Variants in ANO3 observed in about 807,000 individuals in gnomAD.
ANO3 encodes the protein anoctamin 3, also known as anoctamin-3.
ANO3 carries 99 observed loss-of-function variants against 144.8 expected under a neutral mutation model. The observed-to-expected ratio is 0.68, with a 90% CI of 0.58 to 0.81. The LOEUF is 0.81. ANO3 is among the 30% of genes least tolerant of loss of function. The pLI, the probability that ANO3 is intolerant of heterozygous loss-of-function variation, is 0.00. For synonymous variants in ANO3, 414 were observed against 392.6 expected (o/e 1.05, Z -0.64); for missense variants, 905 against 1,202.2 (o/e 0.75, Z 3.66).
At chr11:26,308,262 T>A (rs923968552), upstream of ANO3, among the ~76,000 whole-genome samples, 3 of 152,160 alleles carry the variant, frequency 2.0e-5, no homozygotes, top group African/African-American at 7.2e-5. Flanking sequence ...TCCTAATAAT[T>A]CCCTTACACA....
intron 1 of ANO3, among the ~76,000 whole-genome samples, chr11:26,266,866 G>T (rs1281459096): frequency 6.6e-6 from 1 of 151,438 alleles, no homozygotes; most frequent in East Asian, 2.0e-4. Context: ...CGGATCACGA[G>T]GTCAGGAGAT....
chr11:26,325,619 T>C (rs1854864465), intron 1 of ANO3, among the ~76,000 whole-genome samples: 1 of 152,194 alleles, frequency 6.6e-6, no homozygotes, highest in Non-Finnish European at 1.5e-5. Flanking sequence ...AAGACTTGTT[T>C]TGTCAAGCTA....
At chr11:26,454,570 T>C (rs1307306854) in intron 3 of ANO3, among the ~76,000 whole-genome samples, 2 of 151,960 alleles carry the variant, frequency 1.3e-5, no homozygotes, top group Non-Finnish European at 2.9e-5. Context: ...GGAGCTGAAA[T>C]TGTGGCAATA....
chr11:26,223,608 A>T (rs57241401), intron 1 of ANO3, among the ~76,000 whole-genome samples: 7 of 145,846 alleles, frequency 4.8e-5, no homozygotes, highest in African/African-American at 1.5e-4. Flanking sequence ...TTAATAAAAA[A>T]AAAAAAAAAA....
intron 20 of ANO3, among the ~76,000 whole-genome samples, chr11:26,638,250 GA>G (rs1396125083): frequency 3.3e-5 from 5 of 151,332 alleles, no homozygotes; most frequent in East Asian, 1.9e-4. Flanking sequence ...CTTTCCAGTG[GA>G]AAAAAAAATT....
upstream of ANO3, among the ~76,000 whole-genome samples, chr11:26,306,302 C>A (rs1854382981): frequency 6.6e-6 from 1 of 151,954 alleles, no homozygotes; most frequent in African/African-American, 2.4e-5. Context: ...CTTTCAAGAA[C>A]TTAATCCTTA....
intron 18 of ANO3, 110 bp from the exon 19 acceptor site, chr11:26,634,094 A>T (rs75607977): frequency 0.015 from 7,466 of 514,748 alleles, 43 homozygotes; most frequent in South Asian, 0.024. Flanking sequence ...AAAAAAAAAA[A>T]AAAATTAAAT....
chr11:26,612,370 T>TA (rs993377895), intron 17 of ANO3, among the ~76,000 whole-genome samples: 3 of 151,872 alleles, frequency 2.0e-5, no homozygotes, highest in Non-Finnish European at 4.4e-5. Flanking sequence ...TTTGTTCACA[T>TA]AAAAAATACC....
At chr11:26,565,357 C>A in intron 14 of ANO3, 2 of 1,612,638 alleles carry the variant, frequency 1.2e-6, no homozygotes, top group Non-Finnish European at 1.7e-6. Context: ...AGGATGCTAA[C>A]TGTAATGGAA....
chr11:26,537,287 G>A, intron 9 of ANO3, 119 bp from the exon 10 acceptor site: 1 of 780,662 alleles, frequency 1.3e-6, no homozygotes, highest in Non-Finnish European at 2.2e-6. Context: ...GGCTATGGAA[G>A]TCATTTGGGT....
intron 4 of ANO3, among the ~76,000 whole-genome samples, chr11:26,499,312 C>A (rs1333307051): frequency 2.0e-5 from 3 of 150,466 alleles, no homozygotes; most frequent in Admixed American, 2.0e-4. Flanking sequence ...CATGTACCAG[C>A]TTTTTTTTTA....
intron 4 of ANO3, among the ~76,000 whole-genome samples, chr11:26,480,231 G>C (rs1203894394): frequency 6.6e-6 from 1 of 152,140 alleles, no homozygotes; most frequent in African/African-American, 2.4e-5. Context: ...CACTGAGCTG[G>C]GTTGAAGAGT....
intron 13 of ANO3, 68 bp from the exon 14 acceptor site, chr11:26,559,651 C>A: frequency 9.1e-7 from 1 of 1,097,388 alleles, no homozygotes; most frequent in Non-Finnish European, 1.4e-6. Context: ...TACCTGAGTG[C>A]AAACAGTATT....
intron 1 of ANO3, among the ~76,000 whole-genome samples, chr11:26,267,042 A>G (rs2133832476): frequency 6.6e-6 from 1 of 151,488 alleles, no homozygotes; most frequent in Non-Finnish European, 1.5e-5. Flanking sequence ...CAGTCAGCCG[A>G]GATCGCGCCA....
intron 17 of ANO3, among the ~76,000 whole-genome samples, chr11:26,609,573 A>G (rs1852034717): frequency 3.3e-5 from 5 of 151,964 alleles, no homozygotes; most frequent in Admixed American, 3.3e-4. Context: ...GGAGCCTGCA[A>G]TCACCGCTGC....
chr11:26,402,390 A>C (rs528865915), intron 1 of ANO3, among the ~76,000 whole-genome samples: 26 of 152,068 alleles, frequency 1.7e-4, no homozygotes, highest in Admixed American at 5.2e-4. Flanking sequence ...CTAATGATTA[A>C]TGATGTTCAG....
At chr11:26,279,658 T>G (rs191616920) in intron 1 of ANO3, among the ~76,000 whole-genome samples, 9 of 152,242 alleles carry the variant, frequency 5.9e-5, no homozygotes, top group African/African-American at 1.7e-4. Flanking sequence ...GCCTTGCAAG[T>G]AGGGTCTTCA....
intron 1 of ANO3, among the ~76,000 whole-genome samples, chr11:26,297,646 T>A (rs970536950): frequency 2.6e-4 from 39 of 152,230 alleles, no homozygotes. Flanking sequence ...TCAACTTGTA[T>A]AGTTTGTAAA....
intron 1 of ANO3, among the ~76,000 whole-genome samples, chr11:26,262,843 G>T (rs1853221802): frequency 1.3e-5 from 2 of 152,030 alleles, no homozygotes; most frequent in Non-Finnish European, 2.9e-5. Context: ...CACTAGACAA[G>T]AGCTGCACAT....
Sources: allele counts gnomAD v4.1 joint callset (sites outside exome capture counted in the v4.1 genomes callset), GRCh38; gene constraint gnomAD v4.1.1; transcripts MANE v1.5; gene names NCBI Gene and HGNC (gene_info 2026-07-23, HGNC 2026-07-21).